Variants in TIAM1 observed in about 807,000 individuals in gnomAD.
TIAM1 encodes TIAM Rac1 associated GEF 1.
In TIAM1, 65 loss-of-function variants were observed where a neutral mutation model predicts 163.5. The observed-to-expected ratio is 0.40, with a 90% CI of 0.33 to 0.49. TIAM1 has a LOEUF of 0.49. Ranked by LOEUF, TIAM1 falls within the 20% of genes least tolerant of loss-of-function variation. TIAM1 has a pLI of 0.77. For missense variants in TIAM1, 1,789 were observed against 2,044.7 expected (o/e 0.87, Z 2.41); for synonymous variants, 833 against 810.1 (o/e 1.03, Z -0.48).
intron 16 of TIAM1, among the ~76,000 whole-genome samples, chr21:31,163,840 G>A (rs980909408): frequency 6.6e-6 from 1 of 152,170 alleles, no homozygotes; most frequent in African/African-American, 2.4e-5. Flanking sequence ...TATGTGATTT[G>A]CTTAGGTTAA....
chr21:31,141,143 G>T lies in TIAM1; in HGVS notation c.3749C>A (p.Ala1250Asp). 6.2e-7 allele frequency: 1 copy of T among 1,614,168 alleles called. No individual in the cohort carries two copies. Among genetic ancestry groups the T allele is most frequent in the Non-Finnish European group, 8.5e-7 (1 of 1,179,992 alleles). The change falls in exon 22 of 28, where the codon GCT becomes GAT. Residue 1250 changes from alanine (A) to aspartate (D), a missense_variant. Coordinates refer to ENST00000541036, the MANE Select transcript of TIAM1 (RefSeq NM_001353694.2). This position sits in a 1 kb window ranked among gnomAD's most constrained non-coding sequence, Gnocchi z 4.7. Reference sequence around the variant, plus strand: ...CTCTTTTTTCTCACCAGTCTGTTCAGCAATCAGCTGGTCAAACACAGCCCC... The same window carrying T: ...CTCTTTTTTCTCACCAGTCTGTTCATCAATCAGCTGGTCAAACACAGCCCC... ...EFGAVFDQLI[A>D]EQTGEKKEVA...
At chr21:31,198,528 CAA>C (rs2086005722) in intron 12 of TIAM1, among the ~76,000 whole-genome samples, 1 of 152,088 alleles carries the variant, frequency 6.6e-6, no homozygotes, top group Admixed American at 6.6e-5. Context: ...AAATAGCCAC[CAA>C]AACTCTAAAT....
chr21:31,342,368 T>C (rs2076045875), intron 1 of TIAM1, among the ~76,000 whole-genome samples: 1 of 151,598 alleles, frequency 6.6e-6, no homozygotes, highest in African/African-American at 2.4e-5. Flanking sequence ...GGAGACAATA[T>C]GAAAAGATAA....
chr21:31,456,840 T>C (rs970754495), intron 2 of TIAM1, among the ~76,000 whole-genome samples: 1 of 152,152 alleles, frequency 6.6e-6, no homozygotes, highest in Admixed American at 6.6e-5. Flanking sequence ...CAAAAATCCT[T>C]ACCACCACCA....
chr21:31,271,209 G>A (rs1280425216), intron 3 of TIAM1, among the ~76,000 whole-genome samples: 3 of 150,836 alleles, frequency 2.0e-5, no homozygotes, highest in Non-Finnish European at 4.4e-5. Context: ...GGTTGTAGGT[G>A]GTCCATTAAA....
intron 2 of TIAM1, among the ~76,000 whole-genome samples, chr21:31,310,772 C>T (rs970790383): frequency 3.9e-5 from 6 of 152,070 alleles, no homozygotes; most frequent in African/African-American, 1.4e-4. Flanking sequence ...CTCTTGTTAG[C>T]GTAGCCAAAA....
intron 1 of TIAM1, among the ~76,000 whole-genome samples, chr21:31,512,791 TTTTGTTTG>T (rs147701138): frequency 4.6e-5 from 7 of 150,878 alleles, no homozygotes; most frequent in African/African-American, 1.7e-4. Context: ...TTAGGTGTTT[TTTTGTTTG>T]TTTGTTTGTT....
intron 2 of TIAM1, among the ~76,000 whole-genome samples, chr21:31,423,421 A>C (rs1291591195): frequency 6.6e-6 from 1 of 152,034 alleles, no homozygotes; most frequent in Non-Finnish European, 1.5e-5. Flanking sequence ...AAGATGTGAA[A>C]TAAAAGTCAA....
intron 20 of TIAM1, among the ~76,000 whole-genome samples, chr21:31,145,645 G>T (rs535315399): frequency 6.6e-6 from 1 of 152,264 alleles, no homozygotes; most frequent in South Asian, 2.1e-4. Context: ...ATTCTACTGT[G>T]TCCTGCACAA....
intron 2 of TIAM1, among the ~76,000 whole-genome samples, chr21:31,413,101 T>A (rs1700786718): frequency 6.6e-6 from 1 of 152,094 alleles, no homozygotes; most frequent in East Asian, 1.9e-4. Flanking sequence ...ACCACTAAAC[T>A]AAAATATAAA....
At chr21:31,436,127 A>C (rs944733254) in intron 2 of TIAM1, among the ~76,000 whole-genome samples, 10 of 152,320 alleles carry the variant, frequency 6.6e-5, no homozygotes, top group African/African-American at 2.2e-4. Context: ...GTCCCATAGA[A>C]CTTTGTTCTC....
At chr21:31,356,587 CTT>C (rs1401906600) in intron 2 of TIAM1, among the ~76,000 whole-genome samples, 2 of 152,222 alleles carry the variant, frequency 1.3e-5, no homozygotes, top group African/African-American at 2.4e-5. Context: ...TCATTCATCT[CTT>C]TCACTGTGTA....
intron 1 of TIAM1, among the ~76,000 whole-genome samples, chr21:31,482,810 G>A (rs746341355): frequency 6.6e-6 from 1 of 152,164 alleles, no homozygotes; most frequent in Non-Finnish European, 1.5e-5. Flanking sequence ...AAACAGCATG[G>A]GAGCCCTTGG....
intron 1 of TIAM1, among the ~76,000 whole-genome samples, chr21:31,468,262 G>A (rs1399690371): frequency 6.6e-6 from 1 of 151,836 alleles, no homozygotes; most frequent in Non-Finnish European, 1.5e-5. Flanking sequence ...GATCACTGGA[G>A]GTGAGGAGTT....
At chr21:31,130,541 G>C (rs549935809) in intron 24 of TIAM1, among the ~76,000 whole-genome samples, 117 of 152,264 alleles carry the variant, frequency 7.7e-4, no homozygotes, top group African/African-American at 2.8e-3. Flanking sequence ...ATGCAGTGAA[G>C]AGAGACACAC....
At chr21:31,164,564 A>G (rs1366246235) in intron 16 of TIAM1, among the ~76,000 whole-genome samples, 1 of 152,184 alleles carries the variant, frequency 6.6e-6, no homozygotes, top group Admixed American at 6.6e-5. Context: ...GAATGCAGGT[A>G]ATTCAAAAGG....
At chr21:31,224,719 C>T (rs967706084) in intron 7 of TIAM1, among the ~76,000 whole-genome samples, 9 of 152,020 alleles carry the variant, frequency 5.9e-5, no homozygotes, top group Non-Finnish European at 1.5e-5. Flanking sequence ...GTGAATTTTG[C>T]CTCAATTTAA....
chr21:31,323,231 T>C (rs2075374336), intron 2 of TIAM1, among the ~76,000 whole-genome samples: 1 of 148,754 alleles, frequency 6.7e-6, no homozygotes, highest in African/African-American at 2.5e-5. Context: ...GAGCTTGCAG[T>C]GAGCCAAGAT....
intron 4 of TIAM1, among the ~76,000 whole-genome samples, chr21:31,259,920 CT>C (rs2072359601): frequency 6.6e-6 from 1 of 151,416 alleles, no homozygotes; most frequent in South Asian, 2.1e-4. Flanking sequence ...TGTCCCACAT[CT>C]TTTATTTTAG....
Sources: allele counts gnomAD v4.1 joint callset (sites outside exome capture counted in the v4.1 genomes callset), GRCh38; gene constraint gnomAD v4.1.1; non-coding constraint Gnocchi (gnomAD v3.1); transcripts MANE v1.5; gene names NCBI Gene and HGNC (gene_info 2026-07-23, HGNC 2026-07-21).